FBXO4: variants seen among roughly 807,000 people sequenced by gnomAD.
FBXO4 encodes the protein F-box protein 4, also known as F-box only protein 4.
FBXO4 carries 36 observed loss-of-function variants against 43.7 expected under a neutral mutation model. The ratio of observed to expected loss-of-function variants is 0.82; its 90% CI spans 0.63 to 1.09. The LOEUF (loss-of-function observed/expected upper bound fraction) is 1.09. Among genes scored for constraint, FBXO4 ranks in the 50% least tolerant of loss-of-function variants. The pLI, the probability that FBXO4 is intolerant of heterozygous loss-of-function variation, is 0.00. For synonymous variants in FBXO4, 180 were observed against 165.6 expected (o/e 1.09, Z -0.67); for missense variants, 435 against 474.1 (o/e 0.92, Z 0.77).
chr5:41,939,145 G>A (rs1226313141), intron 5 of FBXO4, among the ~76,000 whole-genome samples: 1 of 152,206 alleles, frequency 6.6e-6, no homozygotes, highest in Non-Finnish European at 1.5e-5. Flanking sequence ...ATAGAAGGTT[G>A]AGATTGTTGG....
At chr5:41,996,890 C>G in the FBXO4 span, among the ~76,000 whole-genome samples, 2 of 152,220 alleles carry the variant, frequency 1.3e-5, no homozygotes, top group Admixed American at 1.3e-4. Flanking sequence ...AATGTCTCAG[C>G]AATAAGTCCA....
the FBXO4 span, among the ~76,000 whole-genome samples, chr5:41,950,115 G>C: frequency 4.4e-4 from 67 of 152,080 alleles, no homozygotes; most frequent in African/African-American, 1.4e-3. Flanking sequence ...AAAAACCCTA[G>C]AAGAAAACCT....
the FBXO4 span, among the ~76,000 whole-genome samples, chr5:42,032,686 G>A: frequency 2.0e-5 from 3 of 152,232 alleles, no homozygotes; most frequent in East Asian, 3.9e-4. Context: ...TCAATTCCTG[G>A]AATCAAGAAT....
chr5:42,022,281 G>A, the FBXO4 span, among the ~76,000 whole-genome samples: 1 of 152,128 alleles, frequency 6.6e-6, no homozygotes. Flanking sequence ...GAAGGAACAT[G>A]CCAATTCATA....
chr5:41,936,211 A>C lies in FBXO4; in HGVS notation c.898+1903A>C, dbSNP rs115770931. On this transcript the variant is annotated intron_variant, in intron 5 of 6. Coordinates refer to ENST00000281623, the MANE Select transcript of FBXO4 (RefSeq NM_012176.3). ...AAGGCAGTCAGTTGAACTGGACCAG[A>C]GATGGTCAGCATGTTGGTATTCTCA... 3.8e-3 allele frequency among the ~76,000 whole-genome samples: 581 copies of C among 152,352 alleles called. 5 individuals are homozygous for C. The highest frequency in any genetic ancestry group is 0.013 in the African/African-American group (554 of 41,578).
chr5:41,934,137 G>A lies in FBXO4; in HGVS notation c.727G>A (p.Glu243Lys). The change falls in exon 5 of 7, where the codon GAA becomes AAA. Residue 243 changes from glutamate (E) to lysine (K), a missense_variant. Physicochemically the swap from Glu to Lys is moderately conservative, Grantham distance 56. Transcript: ENST00000281623. ...TCTTTACAATTTTTTTTCTAGAAAG[G>A]AAAGAGATAGAGCAAGGGAAGAGCA... ...ILILYSTTRK[E>K]RDRAREEHTS... The A allele has an allele frequency of 2.5e-6, 4 of 1,613,814 alleles. No homozygotes were observed. Among genetic ancestry groups the A allele is most frequent in the Non-Finnish European group, 2.5e-6 (3 of 1,179,890 alleles).
the FBXO4 span, among the ~76,000 whole-genome samples, chr5:42,014,665 C>G: frequency 2.0e-5 from 3 of 152,072 alleles, no homozygotes; most frequent in African/African-American, 7.2e-5. Context: ...CAATGCCTGG[C>G]CCTTAGAGAG....
the FBXO4 span, chr5:41,952,022 C>T: frequency 3.7e-6 from 1 of 272,186 alleles, no homozygotes; most frequent in Non-Finnish European, 7.1e-6. Context: ...CCAGCAGAAG[C>T]CTCTAGGTCC....
chr5:42,008,370 G>C, the FBXO4 span, among the ~76,000 whole-genome samples: 2 of 152,118 alleles, frequency 1.3e-5, no homozygotes, highest in Non-Finnish European at 2.9e-5. Context: ...CCTGATTCTA[G>C]AAAAGGAAAT....
the FBXO4 span, among the ~76,000 whole-genome samples, chr5:41,947,369 A>C: frequency 2.0e-5 from 3 of 152,372 alleles, no homozygotes; most frequent in African/African-American, 7.2e-5. Context: ...TGAGAAATAT[A>C]CCAGTATCCA....
At chr5:41,991,392 C>T in the FBXO4 span, among the ~76,000 whole-genome samples, 2 of 152,332 alleles carry the variant, frequency 1.3e-5, no homozygotes, top group South Asian at 4.1e-4. Flanking sequence ...ATATCGTCCT[C>T]AGAAATTCCT....
intron 6 of FBXO4, 66 bp from the exon 7 acceptor site, chr5:41,941,126 C>A: frequency 8.3e-7 from 1 of 1,206,084 alleles, no homozygotes; most frequent in Non-Finnish European, 1.2e-6. Context: ...AGAAAAATGT[C>A]CCTCCTACTC....
chr5:42,021,531 C>T, the FBXO4 span, among the ~76,000 whole-genome samples: 1 of 152,068 alleles, frequency 6.6e-6, no homozygotes, highest in Admixed American at 6.6e-5. Flanking sequence ...AACATACAAG[C>T]TGGCGGCTGC....
chr5:41,985,917 G>A, the FBXO4 span, among the ~76,000 whole-genome samples: 1 of 152,066 alleles, frequency 6.6e-6, no homozygotes, highest in Non-Finnish European at 1.5e-5. Context: ...TACAGGAAAA[G>A]TCGAACTGTT....
chr5:42,040,271 C>T, the FBXO4 span, among the ~76,000 whole-genome samples: 3 of 151,908 alleles, frequency 2.0e-5, no homozygotes, highest in Non-Finnish European at 4.4e-5. Context: ...TTTTTATTTT[C>T]TTTCCCCACT....
the FBXO4 span, among the ~76,000 whole-genome samples, chr5:42,023,151 A>G: frequency 2.6e-5 from 4 of 152,092 alleles, no homozygotes; most frequent in Non-Finnish European, 5.9e-5. Context: ...TACGTGGGCA[A>G]CCTGGGGAAT....
chr5:42,006,741 A>G, the FBXO4 span, among the ~76,000 whole-genome samples: 1 of 151,424 alleles, frequency 6.6e-6, no homozygotes, highest in Non-Finnish European at 1.5e-5. Context: ...TAGGCAAACC[A>G]TCAGTTTCAG....
chr5:41,940,115 T>G (rs1751967290), intron 6 of FBXO4, among the ~76,000 whole-genome samples: 1 of 151,904 alleles, frequency 6.6e-6, no homozygotes, highest in African/African-American at 2.4e-5. Context: ...CCTCCCAAAG[T>G]GCTGGGATTA....
chr5:41,967,658 C>T, the FBXO4 span: 1 of 744,602 alleles, frequency 1.3e-6, no homozygotes, highest in Non-Finnish European at 2.3e-6. Flanking sequence ...CCACACACTG[C>T]ATGGAGTAGC....
Sources: gnomAD v4.1 joint callset for allele counts (sites outside exome capture counted in the v4.1 genomes callset) on GRCh38, gnomAD v4.1.1 for gene constraint, MANE v1.5 for transcripts, NCBI Gene and HGNC (gene_info 2026-07-23, HGNC 2026-07-21) for gene names.